Variants in DENND1A observed in about 807,000 individuals in gnomAD.
DENND1A encodes DENN domain-containing protein 1A.
DENND1A carries 51 observed loss-of-function variants against 113.7 expected under a neutral mutation model. The ratio of observed to expected loss-of-function variants is 0.45; its 90% CI spans 0.36 to 0.57. DENND1A has a LOEUF of 0.57. DENND1A is among the 20% of genes least tolerant of loss of function. The pLI is 0.00. For missense variants in DENND1A, 1,258 were observed against 1,395.9 expected (o/e 0.90, Z 1.57); for synonymous variants, 565 against 570.8 (o/e 0.99, Z 0.14).
At chr9:123,583,342 T>C (rs2059013777) in intron 11 of DENND1A, 72 bp from the exon 12 acceptor site, 2 of 1,109,890 alleles carry the variant, frequency 1.8e-6, no homozygotes, top group Non-Finnish European at 2.7e-6. Context: ...CTGCCTTCTC[T>C]GGGGAAGAGG....
intron 14 of DENND1A, 37 bp downstream of exon 14, chr9:123,457,756 G>T: frequency 6.4e-7 from 1 of 1,564,698 alleles, no homozygotes; most frequent in African/African-American, 1.4e-5. Context: ...ATCCCCGCCA[G>T]GGAGCCAGAC....
At chr9:123,461,511 T>C (rs1235167946) in intron 13 of DENND1A, among the ~76,000 whole-genome samples, 1 of 151,936 alleles carries the variant, frequency 6.6e-6, no homozygotes, top group African/African-American at 2.4e-5. Flanking sequence ...GCACAGGGAG[T>C]TGAGCTGCTC....
At chr9:123,742,102 T>C (rs889022000) in intron 5 of DENND1A, among the ~76,000 whole-genome samples, 2 of 152,172 alleles carry the variant, frequency 1.3e-5, no homozygotes, top group African/African-American at 4.8e-5. Flanking sequence ...ACGCTGTTTG[T>C]CCCCTCGGCC....
chr9:123,670,449 C>T (rs1343791567), intron 7 of DENND1A, among the ~76,000 whole-genome samples: 1 of 152,198 alleles, frequency 6.6e-6, no homozygotes, highest in African/African-American at 2.4e-5. Flanking sequence ...ATCTCCCACA[C>T]CTCTTCTGAT....
intron 8 of DENND1A, among the ~76,000 whole-genome samples, chr9:123,660,453 C>G (rs150037742): frequency 2.8e-3 from 384 of 139,086 alleles, no homozygotes; most frequent in African/African-American, 9.4e-3. Flanking sequence ...TATGAGAAGA[C>G]TTAAAAAAAA....
At chr9:123,900,627 G>A (rs946363546) in intron 1 of DENND1A, among the ~76,000 whole-genome samples, 3 of 152,204 alleles carry the variant, frequency 2.0e-5, no homozygotes, top group African/African-American at 7.2e-5. Flanking sequence ...GACTAGCATG[G>A]AAGACAAAAT....
At chr9:123,395,468 C>CTCTGTGTG (rs367751848) in intron 21 of DENND1A, among the ~76,000 whole-genome samples, 21 of 142,890 alleles carry the variant, frequency 1.5e-4, no homozygotes, top group Admixed American at 4.1e-4. Context: ...CTCTCTCTCT[C>CTCTGTGTG]TGTGTGTGTG....
chr9:123,438,195 C>T (rs1284179657), intron 19 of DENND1A, among the ~76,000 whole-genome samples: 2 of 152,136 alleles, frequency 1.3e-5, no homozygotes, highest in Admixed American at 1.3e-4. Flanking sequence ...GTCAACAGCC[C>T]ATCAAACCAG....
intron 21 of DENND1A, among the ~76,000 whole-genome samples, chr9:123,397,418 G>C (rs1164026375): frequency 6.6e-6 from 1 of 152,220 alleles, no homozygotes. Flanking sequence ...GCCTCCCAAA[G>C]TACTGGGATA....
At chr9:123,409,467 T>C (rs1192910274) in intron 20 of DENND1A, among the ~76,000 whole-genome samples, 5 of 151,220 alleles carry the variant, frequency 3.3e-5, no homozygotes, top group African/African-American at 1.2e-4. Flanking sequence ...ATCACGCAAA[T>C]ATTCTAAAAT....
chr9:123,511,916 G>A (rs1002255191), intron 13 of DENND1A, among the ~76,000 whole-genome samples: 5 of 152,178 alleles, frequency 3.3e-5, no homozygotes, highest in African/African-American at 9.6e-5. Flanking sequence ...TCAGGGTCTC[G>A]TGACTTGAGG....
chr9:123,466,678 A>G (rs1206143879), intron 13 of DENND1A, among the ~76,000 whole-genome samples: 1 of 152,212 alleles, frequency 6.6e-6, no homozygotes, highest in Non-Finnish European at 1.5e-5. Context: ...TGGTTGTTTT[A>G]TCTTTGCCTT....
chr9:123,543,304 A>C (rs1169406252), intron 13 of DENND1A, among the ~76,000 whole-genome samples: 1 of 152,236 alleles, frequency 6.6e-6, no homozygotes, highest in Non-Finnish European at 1.5e-5. Flanking sequence ...AAAAGGTCTG[A>C]AAAATGCTGG....
chr9:123,743,959 A>C (rs2069244408), intron 5 of DENND1A, among the ~76,000 whole-genome samples: 1 of 152,118 alleles, frequency 6.6e-6, no homozygotes, highest in African/African-American at 2.4e-5. Context: ...TAGTGGGGAA[A>C]CACACATTAG....
intron 2 of DENND1A, among the ~76,000 whole-genome samples, chr9:123,831,741 G>A (rs1386629031): frequency 6.6e-6 from 1 of 152,180 alleles, no homozygotes; most frequent in Non-Finnish European, 1.5e-5. Context: ...TCAGCACTCT[G>A]GGAGGCTGAG....
chr9:123,682,712 G>A (rs945086326), intron 5 of DENND1A, among the ~76,000 whole-genome samples: 3 of 152,072 alleles, frequency 2.0e-5, no homozygotes, highest in Admixed American at 6.5e-5. Context: ...TCGAGAAAGC[G>A]GTCTTCCCAA....
chr9:123,809,650 C>A (rs1028956598), intron 2 of DENND1A, among the ~76,000 whole-genome samples: 12 of 152,182 alleles, frequency 7.9e-5, no homozygotes, highest in African/African-American at 2.9e-4. Flanking sequence ...GAGAAAAATT[C>A]TAAATTTAAG....
rs988615947 is a variant in DENND1A at position 123,539,634 on chromosome 9, T to C, written c.993+17936A>G. Among the ~76,000 whole-genome samples, 12 of 152,034 alleles carry C rather than the reference T, an allele frequency of 7.9e-5. No individual in the cohort carries two copies. In the East Asian group the frequency reaches 2.1e-3, roughly 27 times the overall value. ...AAAGTGTTGGTCTTATAAAAATTCA[T>C]GCACTTTGGGAGGCCGAGGCAGGTG... On this transcript the variant is annotated intron_variant, in intron 13 of 23. Transcript: ENST00000394215.
At chr9:123,579,106 G>A (rs2058763108) in intron 12 of DENND1A, among the ~76,000 whole-genome samples, 1 of 152,126 alleles carries the variant, frequency 6.6e-6, no homozygotes, top group African/African-American at 2.4e-5. Context: ...TCATGAAGGA[G>A]GGCTGAATGC....
Sources: gnomAD v4.1 joint callset for allele counts (sites outside exome capture counted in the v4.1 genomes callset) on GRCh38, gnomAD v4.1.1 for gene constraint, MANE v1.5 for transcripts, NCBI Gene and HGNC (gene_info 2026-07-23, HGNC 2026-07-21) for gene names.